The following KCNK16 variants were observed in gnomAD, a reference collection of about 807,000 sequenced individuals.
KCNK16 encodes potassium channel subfamily K member 16.
A neutral mutation model predicts 23.0 loss-of-function variants in KCNK16; 23 were observed. The observed-to-expected ratio is 1.00, with a 90% CI of 0.72 to 1.41. The LOEUF (loss-of-function observed/expected upper bound fraction) is 1.41, where lower values mean the gene tolerates loss of function less well. Ranked by LOEUF, KCNK16 falls within the 40% of genes most tolerant of loss-of-function variation. The probability of loss-of-function intolerance (pLI) is 0.00; values close to 1 mark genes in which losing one functional copy is unlikely to be tolerated. For missense variants in KCNK16, 327 were observed against 365.8 expected, an observed-to-expected ratio of 0.89 and a Z score of 0.87; for synonymous variants, 145 against 153.5, an observed-to-expected ratio of 0.94 and a Z score of 0.41.
At position 39,319,040 on chromosome 6, in the gene KCNK16, C is replaced by A; in HGVS notation, c.307G>T (p.Gly103Cys). 6.2e-7 allele frequency: 1 copy of A among 1,613,910 alleles called. No homozygotes were observed. Among genetic ancestry groups the A allele is most frequent in the Non-Finnish European group, 8.5e-7 (1 of 1,179,786 alleles). Residue 103 changes from glycine (G) to cysteine (C), a missense_variant, in exon 2 of 5, where the codon GGC (glycine) becomes TGC (cysteine). Transcript: ENST00000437525. This position sits in a 1 kb window ranked among gnomAD's most constrained non-coding sequence, Gnocchi z 4.2. ...TTACCTATGGTAGTGACGACTGTGCCTGCAAAGAAGAAACTGCTGCCAAAG... is the reference window on the plus strand; with the variant it reads ...TTACCTATGGTAGTGACGACTGTGCATGCAAAGAAGAAACTGCTGCCAAAG... ...WDFGSSFFFA[G>C]TVVTTIGYGN...
Position 39,322,416 on chromosome 6 carries a change from T to C in KCNK16, c.125A>G (p.Gln42Arg), listed in dbSNP as rs906468865. Residue 42 changes from glutamine (Q) to arginine (R), a missense_variant, in exon 1 of 5, where the codon CAG becomes CGG. Coordinates refer to ENST00000437525, the MANE Select transcript of KCNK16 (RefSeq NM_001135106.2). Reference protein sequence around the residue: ...FQLLERQAEAQSRDQFQLEKL... With the variant: ...FQLLERQAEARSRDQFQLEKL... Reference sequence around the variant, plus strand: ...CTCCAACTGAAACTGGTCCCTGGACTGAGCCTCCGCCTGCCTCTCTAGCAG... The same window carrying C: ...CTCCAACTGAAACTGGTCCCTGGACCGAGCCTCCGCCTGCCTCTCTAGCAG... The C allele has an allele frequency of 6.2e-7, 1 of 1,613,788 alleles. No individual in the cohort carries two copies. Among genetic ancestry groups the C allele is most frequent in the African/African-American group, 1.3e-5 (1 of 74,950 alleles).
downstream of KCNK16, chr6:39,316,106 C>G (rs932293826): frequency 3.6e-6 from 5 of 1,405,890 alleles, no homozygotes; most frequent in East Asian, 5.1e-5. Context: ...GAGACCAGCC[C>G]TGGCTGAGAA....
intron 1 of KCNK16, among the ~76,000 whole-genome samples, chr6:39,320,288 C>G (rs1467139647): frequency 1.3e-5 from 2 of 152,206 alleles, no homozygotes; most frequent in African/African-American, 4.8e-5. Context: ...CCCACATCCA[C>G]AAAGTGGCCA....
chr6:39,318,833 A>G lies in KCNK16; in HGVS notation c.328+186T>C, dbSNP rs530897387. 5.6e-4 allele frequency among the ~76,000 whole-genome samples: 86 copies of G among 152,352 alleles called. 1 individual carries two copies. Among genetic ancestry groups the G allele is most frequent in the African/African-American group, 1.9e-3 (81 of 41,588 alleles). On this transcript the variant is annotated intron_variant, in intron 2 of 4. Transcript: ENST00000437525. ...AGAAGTGAGCTCAGTCACCCAAGCC[A>G]GTAATCTGCTAATTAATGCAAATTT...
Position 39,317,619 on chromosome 6 carries a change from G to C in KCNK16, c.495+167C>G, listed in dbSNP as rs566197080. Among the ~76,000 whole-genome samples, 8 of 152,312 alleles carry C rather than the reference G, an allele frequency of 5.3e-5. 1 individual carries two copies. The South Asian group carries it at 1.7e-3, about 32-fold the overall frequency. ...GCCAAGCCTTTGTAGAGCATGCATA[G>C]AGATCCAACTCCCCACTCTGCCCAA... On this transcript the variant is annotated intron_variant, in intron 3 of 4. Coordinates refer to ENST00000437525, the MANE Select transcript of KCNK16 (RefSeq NM_001135106.2).
rs752303808 is a variant in KCNK16, at chr6:39,318,984, C to G, written c.328+35G>C. The G allele has an allele frequency of 2.1e-6, 3 of 1,421,212 alleles. No homozygotes were observed. In the African/African-American group the frequency reaches 4.2e-5, roughly 20 times the overall value. The allele number at this position is 1,421,212 out of a possible 1,614,324, so 88.0% of individuals were successfully genotyped here. A position where few individuals can be genotyped will look rare whatever the true frequency, so the allele number is the denominator to read the frequency against. ...TGGGGAGCCCAAACTAAGACAGGGGCCTTGGGGAAGCTCTTCTCTACCCCA... is the reference window on the plus strand; with the variant it reads ...TGGGGAGCCCAAACTAAGACAGGGGGCTTGGGGAAGCTCTTCTCTACCCCA... On this transcript the variant is annotated intron_variant, in intron 2 of 4. Transcript: ENST00000437525.
Position 39,318,013 on chromosome 6 carries a change from CCCCAGACTCTAG to C in KCNK16, c.329-73_329-62del, listed in dbSNP as rs1176290096. ...CTCTAGAACGCCCTCTGCTCCTCTT[CCCCAGACTCTAG>C]CTGAGGTTTGTCTGTCACCACCTCT... On this transcript the variant is annotated intron_variant, in intron 2 of 4. Coordinates refer to ENST00000437525, the MANE Select transcript of KCNK16 (RefSeq NM_001135106.2). 6 of 1,478,932 alleles carry C rather than the reference CCCCAGACTCTAG, an allele frequency of 4.1e-6. No homozygotes were observed. In the African/African-American group the frequency reaches 7.1e-5, roughly 17 times the overall value. 91.6% of individuals were successfully genotyped at this position (1,478,932 alleles called of 1,614,324 possible).
chr6:39,316,765 G>T lies in KCNK16; in HGVS notation c.661+17C>A. The T allele has an allele frequency of 1.2e-6, 2 of 1,609,306 alleles. No homozygotes were observed. Among genetic ancestry groups the T allele is most frequent in the South Asian group, 1.1e-5 (1 of 90,406 alleles). ...GGGCACCCCCACCCTGAGATAATGT[G>T]ACTGTTTTGTTCTCACCAACAACAT... On this transcript the variant is annotated intron_variant, in intron 4 of 4. Coordinates refer to ENST00000437525, the MANE Select transcript of KCNK16 (RefSeq NM_001135106.2).
intron 1 of KCNK16, among the ~76,000 whole-genome samples, chr6:39,320,649 A>T (rs1039981252): frequency 1.3e-5 from 2 of 152,146 alleles, no homozygotes; most frequent in Admixed American, 1.3e-4. Context: ...GTCTCTCCTG[A>T]GGCTGAGGAC....
rs370302708 is a variant in KCNK16 at position 39,320,867 on chromosome 6, G to A, written c.213+1461C>T. On this transcript the variant is annotated intron_variant, in intron 1 of 4. Coordinates refer to ENST00000437525, the MANE Select transcript of KCNK16 (RefSeq NM_001135106.2). ...GAGGGAGGAGATTTCAGCTTCTCCAGGGCCTCTGCCTTACTCCCAGGGTTT... is the reference window on the plus strand; with the variant it reads ...GAGGGAGGAGATTTCAGCTTCTCCAAGGCCTCTGCCTTACTCCCAGGGTTT... Among the ~76,000 whole-genome samples the A allele has an allele frequency of 3.3e-5, 5 of 152,256 alleles. 1 individual carries two copies. The highest frequency in any genetic ancestry group is 9.6e-5 in the African/African-American group (4 of 41,538).
intron 4 of KCNK16, 73 bp from the exon 5 acceptor site, chr6:39,316,515 T>G: frequency 6.7e-7 from 1 of 1,493,482 alleles, no homozygotes; most frequent in Non-Finnish European, 9.0e-7. Context: ...ATAGGGACCC[T>G]CACCAGCCAG....
chr6:39,314,676 T>C, downstream of KCNK16: 1 of 406,900 alleles, frequency 2.5e-6, no homozygotes, highest in Non-Finnish European at 4.4e-6. Flanking sequence ...TGGGAGGGAC[T>C]TCTGGAAACC....
rs200932709 is a variant in KCNK16 at position 39,319,039 on chromosome 6, C to T, written c.308G>A (p.Gly103Asp). Residue 103 changes from glycine to aspartate, a missense_variant, in exon 2 of 5, where the codon GGC becomes GAC. Physicochemically the swap from Gly to Asp is moderately conservative, Grantham distance 94 (BLOSUM62 -1). Coordinates refer to ENST00000437525, the MANE Select transcript of KCNK16 (RefSeq NM_001135106.2). The surrounding 1 kb of genome is among the most constrained non-coding windows in gnomAD (Gnocchi z 4.2). Reference sequence around the variant, plus strand: ...TTTACCTATGGTAGTGACGACTGTGCCTGCAAAGAAGAAACTGCTGCCAAA... The same window carrying T: ...TTTACCTATGGTAGTGACGACTGTGTCTGCAAAGAAGAAACTGCTGCCAAA... ...WDFGSSFFFA[G>D]TVVTTIGYGN... 1 of 1,613,458 alleles carries T rather than the reference C, an allele frequency of 6.2e-7. No homozygotes were observed. The highest frequency in any genetic ancestry group is 8.5e-7 in the Non-Finnish European group (1 of 1,179,430).
chr6:39,316,682 C>T (rs2113849447), intron 4 of KCNK16, 100 bp downstream of exon 4: 2 of 1,387,560 alleles, frequency 1.4e-6, no homozygotes, highest in Non-Finnish European at 2.0e-6. Context: ...TGACCAAGGG[C>T]TATCTTATCC....
Position 39,317,914 on chromosome 6 carries a change from C to A in KCNK16, c.367G>T (p.Val123Phe). ...AACAGGGCATAGAAGACACAGAAGA[C>A]CTGACCTGCCTCTGTGCTGGGTGCC... The part of the protein sequence containing the change: ...NLAPSTEAGQ[V>F]FCVFYALLGI... Residue 123 changes from valine (V) to phenylalanine (F), a missense_variant, in exon 3 of 5, where the codon GTC (valine) becomes TTC (phenylalanine). Val to Phe is a conservative substitution (Grantham distance 50). Transcript: ENST00000437525. 6.2e-7 allele frequency: 1 copy of A among 1,612,388 alleles called. No individual in the cohort carries two copies. Among genetic ancestry groups the A allele is most frequent in the Admixed American group, 1.7e-5 (1 of 59,756 alleles).
chr6:39,318,314 A>G (rs734659), intron 2 of KCNK16, among the ~76,000 whole-genome samples: 97,563 of 152,002 alleles, frequency 0.64, 33,405 homozygotes, highest in African/African-American at 0.89. Flanking sequence ...AGTTCCTTGC[A>G]GGCTGAGCCT....
In KCNK16 at chr6:39,317,926, C is replaced by T. The variant is rs944644196; in HGVS notation, c.355G>A (p.Glu119Lys). 16 of 1,611,296 alleles carry T rather than the reference C, an allele frequency of 9.9e-6. No individual in the cohort carries two copies. The highest frequency in any genetic ancestry group is 1.4e-5 in the Non-Finnish European group (16 of 1,178,680). ...AAGACACAGAAGACCTGACCTGCCT[C>T]TGTGCTGGGTGCCAGGTTCCCATAT... is the stretch of plus-strand genomic sequence containing the variant. ...IGYGNLAPST[E>K]AGQVFCVFYA... The change falls in exon 3 of 5, where the codon GAG becomes AAG. Residue 119 changes from glutamate to lysine, a missense_variant. Coordinates refer to ENST00000437525, the MANE Select transcript of KCNK16 (RefSeq NM_001135106.2).
downstream of KCNK16, chr6:39,315,408 G>A (rs1009621584): frequency 3.1e-5 from 48 of 1,551,120 alleles, no homozygotes; most frequent in East Asian, 1.1e-3. Flanking sequence ...AGCCCAGAGG[G>A]AGTGATGAAG....
chr6:39,317,899 A>G lies in KCNK16; in HGVS notation c.382T>C (p.Tyr128His). ...TTAAGCGGGATGCCCAACAGGGCAT[A>G]GAAGACACAGAAGACCTGACCTGCC... ...TEAGQVFCVF[Y>H]ALLGIPLNVI... Residue 128 changes from tyrosine (Y) to histidine (H), a missense_variant, in exon 3 of 5, where the codon TAT (tyrosine) becomes CAT (histidine). Coordinates refer to ENST00000437525, the MANE Select transcript of KCNK16 (RefSeq NM_001135106.2). 1 of 1,613,528 alleles carries G rather than the reference A, an allele frequency of 6.2e-7. No homozygotes were observed. Among genetic ancestry groups the G allele is most frequent in the South Asian group, 1.1e-5 (1 of 90,944 alleles).
Sources: allele counts gnomAD v4.1 joint callset (sites outside exome capture counted in the v4.1 genomes callset), GRCh38; gene constraint gnomAD v4.1.1; non-coding constraint Gnocchi (gnomAD v3.1); transcripts MANE v1.5; gene names NCBI Gene and HGNC (gene_info 2026-07-23, HGNC 2026-07-21).